ZNF385D: variants seen among roughly 807,000 people sequenced by gnomAD.
The protein encoded by ZNF385D is zinc finger protein 659.
ZNF385D carries 15 observed loss-of-function variants against 35.8 expected under a neutral mutation model. The ratio of observed to expected loss-of-function variants is 0.42; its 90% CI spans 0.28 to 0.64. ZNF385D has a LOEUF of 0.64. Among genes scored for constraint, ZNF385D ranks in the 30% least tolerant of loss-of-function variants. The probability of loss-of-function intolerance (pLI) is 0.23; values close to 1 mark genes in which losing one functional copy is unlikely to be tolerated. For synonymous variants in ZNF385D, 212 were observed against 186.8 expected (o/e 1.13, Z -1.10); for missense variants, 474 against 494.6 (o/e 0.96, Z 0.39).
chr3:22,366,303 A>C (rs1696653958), intron 2 of ZNF385D, among the ~76,000 whole-genome samples: 1 of 152,164 alleles, frequency 6.6e-6, no homozygotes, highest in African/African-American at 2.4e-5. Context: ...GCTATTATTT[A>C]TACACTGGTC....
At chr3:22,134,745 G>A (rs1274744447) in intron 3 of ZNF385D, among the ~76,000 whole-genome samples, 2 of 152,136 alleles carry the variant, frequency 1.3e-5, no homozygotes, top group African/African-American at 4.8e-5. Flanking sequence ...AGGGTCCATA[G>A]CTGGCAAGGG....
chr3:22,312,658 T>C (rs1236434070), intron 2 of ZNF385D, among the ~76,000 whole-genome samples: 1 of 152,072 alleles, frequency 6.6e-6, no homozygotes. Flanking sequence ...AAAGTGCTCA[T>C]TATCACTGGC....
intron 3 of ZNF385D, among the ~76,000 whole-genome samples, chr3:21,780,709 C>G (rs79867460): frequency 6.6e-6 from 1 of 152,072 alleles, no homozygotes; most frequent in East Asian, 1.9e-4. Flanking sequence ...TAGGGTAACC[C>G]ACAGAACCTG....
At position 21,988,123 on chromosome 3, in the gene ZNF385D, C is replaced by T. The variant is rs1475134746; in HGVS notation, c.325+180694G>A. On this transcript the variant is annotated intron_variant, in intron 3 of 5. Transcript: ENST00000494108. ...TTTGCCTTTGGTTTGAATGTCCTCC[C>T]GTAGCTCAGAGTCATTTGATCATCT... Among the ~76,000 whole-genome samples, 59 of 126,084 alleles carry T rather than the reference C, an allele frequency of 4.7e-4. 2 individuals are homozygous for T. Among genetic ancestry groups the T allele is most frequent in the African/African-American group, 1.4e-3 (48 of 33,430 alleles). 82.7% of individuals were successfully genotyped at this position (126,084 alleles called of 152,430 possible).
intron 2 of ZNF385D, among the ~76,000 whole-genome samples, chr3:21,591,667 G>C (rs988249068): frequency 6.6e-6 from 1 of 152,108 alleles, no homozygotes; most frequent in African/African-American, 2.4e-5. Flanking sequence ...CACACCCTGA[G>C]CCTCCATTTT....
intron 2 of ZNF385D, among the ~76,000 whole-genome samples, chr3:21,609,900 G>C (rs2064614568): frequency 6.6e-6 from 1 of 152,134 alleles, no homozygotes; most frequent in Non-Finnish European, 1.5e-5. Flanking sequence ...GAGTCCTGAT[G>C]GGTATTTAAA....
At chr3:21,564,343 T>C (rs2063064682) in intron 3 of ZNF385D, among the ~76,000 whole-genome samples, 1 of 152,066 alleles carries the variant, frequency 6.6e-6, no homozygotes, top group Admixed American at 6.6e-5. Context: ...TAAATAAAAA[T>C]ATTAAACTGC....
intron 1 of ZNF385D, among the ~76,000 whole-genome samples, chr3:21,729,580 G>T (rs377708860): frequency 6.6e-6 from 1 of 152,190 alleles, no homozygotes; most frequent in African/African-American, 2.4e-5. Context: ...GGCTCACCCA[G>T]TGACTTACTA....
At chr3:21,864,333 C>A (rs902667650) in intron 3 of ZNF385D, among the ~76,000 whole-genome samples, 1 of 152,064 alleles carries the variant, frequency 6.6e-6, no homozygotes, top group Non-Finnish European at 1.5e-5. Context: ...GGGAATGCAG[C>A]GGATGCAAAG....
chr3:21,460,358 G>C (rs1481977306), intron 4 of ZNF385D, among the ~76,000 whole-genome samples: 1 of 152,172 alleles, frequency 6.6e-6, no homozygotes, highest in Non-Finnish European at 1.5e-5. Context: ...ATAGACACCA[G>C]ATCGTGTCAA....
chr3:22,040,757 T>G (rs1351767069), intron 3 of ZNF385D, among the ~76,000 whole-genome samples: 1 of 152,108 alleles, frequency 6.6e-6, no homozygotes, highest in Non-Finnish European at 1.5e-5. Flanking sequence ...AAAGCTAGGA[T>G]AGAAGGCTGA....
chr3:22,120,222 A>G (rs947956524), intron 3 of ZNF385D, among the ~76,000 whole-genome samples: 3 of 152,048 alleles, frequency 2.0e-5, no homozygotes, highest in African/African-American at 2.4e-5. Context: ...AGTGGCTTAA[A>G]TAACAGACAT....
chr3:21,533,582 C>G (rs1384005472), intron 3 of ZNF385D, among the ~76,000 whole-genome samples: 1 of 152,018 alleles, frequency 6.6e-6, no homozygotes, highest in Non-Finnish European at 1.5e-5. Flanking sequence ...GATACCTGAA[C>G]AGCAATTCAA....
At chr3:22,259,570 A>G (rs1700512552) in intron 2 of ZNF385D, among the ~76,000 whole-genome samples, 1 of 151,960 alleles carries the variant, frequency 6.6e-6, no homozygotes, top group African/African-American at 2.4e-5. Flanking sequence ...AGTGCTGTGT[A>G]CCTCCCATGT....
chr3:21,669,468 A>C (rs2066497914), intron 1 of ZNF385D, among the ~76,000 whole-genome samples: 1 of 152,334 alleles, frequency 6.6e-6, no homozygotes, highest in African/African-American at 2.4e-5. Context: ...GTGAATATGA[A>C]AAAACAAAAA....
intron 3 of ZNF385D, among the ~76,000 whole-genome samples, chr3:21,905,785 T>C (rs1699655730): frequency 6.6e-6 from 1 of 152,070 alleles, no homozygotes; most frequent in African/African-American, 2.4e-5. Context: ...CTGACCTTTG[T>C]CTGATAGAGG....
chr3:21,646,123 C>A lies in ZNF385D; in HGVS notation c.165+18763G>T, dbSNP rs549399474. Among the ~76,000 whole-genome samples, 115 of 151,948 alleles carry A rather than the reference C, an allele frequency of 7.6e-4. 1 individual carries two copies. Among genetic ancestry groups the A allele is most frequent in the Non-Finnish European group, 1.2e-3 (83 of 67,968 alleles). ...ATAAGTTTTTTTTAAAGAAAGAAAACCTCAGGGAAATTTTTAAAAACTATT... is the reference window on the plus strand; with the variant it reads ...ATAAGTTTTTTTTAAAGAAAGAAAAACTCAGGGAAATTTTTAAAAACTATT... On this transcript the variant is annotated intron_variant, in intron 2 of 7. Transcript: ENST00000281523. The surrounding 1 kb of genome is among the most constrained non-coding windows in gnomAD (Gnocchi z 4.3).
At chr3:21,688,284 A>G (rs2067173989) in intron 1 of ZNF385D, among the ~76,000 whole-genome samples, 1 of 152,186 alleles carries the variant, frequency 6.6e-6, no homozygotes. Context: ...AATTCTGACA[A>G]GTACTCTATT....
At chr3:21,621,675 G>A (rs893778732) in intron 2 of ZNF385D, among the ~76,000 whole-genome samples, 2 of 150,190 alleles carry the variant, frequency 1.3e-5, no homozygotes, top group African/African-American at 4.9e-5. Flanking sequence ...ATAATGCAAG[G>A]ACAGAGGCAT....
Sources: allele counts gnomAD v4.1 joint callset (sites outside exome capture counted in the v4.1 genomes callset), GRCh38; gene constraint gnomAD v4.1.1; non-coding constraint Gnocchi (gnomAD v3.1); transcripts MANE v1.5; gene names NCBI Gene and HGNC (gene_info 2026-07-23, HGNC 2026-07-21).